The following KCNJ3 variants were observed in gnomAD, a reference collection of about 807,000 sequenced individuals.
KCNJ3 encodes the protein potassium inwardly rectifying channel subfamily J member 3, also known as G protein-activated inward rectifier potassium channel 1.
KCNJ3 carries 4 observed loss-of-function variants against 39.2 expected under a neutral mutation model. The ratio of observed to expected loss-of-function variants is 0.10; its 90% CI spans 0.05 to 0.23. The LOEUF is 0.23. Ranked by LOEUF, KCNJ3 falls within the 10% of genes least tolerant of loss-of-function variation. The probability of loss-of-function intolerance (pLI) is 1.00; values close to 1 mark genes in which losing one functional copy is unlikely to be tolerated. For synonymous variants in KCNJ3, 230 were observed against 237.4 expected (o/e 0.97, Z 0.29); for missense variants, 276 against 634.9 (o/e 0.43, Z 6.08).
At chr2:154,784,438 T>C (rs989098444) in intron 2 of KCNJ3, among the ~76,000 whole-genome samples, 1 of 152,184 alleles carries the variant, frequency 6.6e-6, no homozygotes, top group African/African-American at 2.4e-5. Flanking sequence ...AGTGCAGTGG[T>C]GCAACTCGGC....
rs1685072685 is a variant in KCNJ3 at position 154,709,827 on chromosome 2, A to G, written c.919+8A>G. On this transcript the variant is annotated splice_region_variant and intron_variant, in intron 2 of 2. Coordinates refer to ENST00000295101, the MANE Select transcript of KCNJ3 (RefSeq NM_002239.4). The stretch of plus-strand genomic sequence containing the variant: ...GCATTGTGGAAACAACTGGTGAGTA[A>G]AAACAGATATGCCATAAAGTTTCTT... 1.2e-6 allele frequency: 2 copies of G among 1,613,272 alleles called. No homozygotes were observed. The highest frequency in any genetic ancestry group is 2.7e-5 in the African/African-American group (2 of 74,878).
At chr2:154,706,031 A>G (rs909239454) in intron 1 of KCNJ3, among the ~76,000 whole-genome samples, 1 of 152,020 alleles carries the variant, frequency 6.6e-6, no homozygotes, top group African/African-American at 2.4e-5. Flanking sequence ...TTTTTACTTT[A>G]TTTGTTCCAC....
chr2:154,854,511 T>C (rs1302666061), intron 2 of KCNJ3, among the ~76,000 whole-genome samples: 1 of 152,198 alleles, frequency 6.6e-6, no homozygotes, highest in Non-Finnish European at 1.5e-5. Context: ...CCTTCAAACA[T>C]GAATAGTATC....
At chr2:154,814,141 G>T (rs891676667) in intron 2 of KCNJ3, among the ~76,000 whole-genome samples, 1 of 152,002 alleles carries the variant, frequency 6.6e-6, no homozygotes, top group East Asian at 1.9e-4. Flanking sequence ...ATTTTTAAAG[G>T]TTTAATTTTC....
Position 154,855,074 on chromosome 2 carries a change from A to G in KCNJ3, c.1267A>G (p.Thr423Ala). 1 of 1,614,104 alleles carries G rather than the reference A, an allele frequency of 6.2e-7. No homozygotes were observed. The highest frequency in any genetic ancestry group is 8.5e-7 in the Non-Finnish European group (1 of 1,179,966). ...PKKLLRMSSTTSEKAYSLGDL... is the reference protein window; with the variant it reads ...PKKLLRMSSTASEKAYSLGDL... ...AAAACTCTTGAGGATGAGTTCTACA[A>G]CTTCAGAAAAAGCCTACAGCTTGGG... is the stretch of plus-strand genomic sequence containing the variant. Residue 423 changes from threonine to alanine, a missense_variant, in exon 3 of 3, where the codon ACT (threonine) becomes GCT (alanine). Coordinates refer to ENST00000295101, the MANE Select transcript of KCNJ3 (RefSeq NM_002239.4).
intron 2 of KCNJ3, among the ~76,000 whole-genome samples, chr2:154,748,661 A>C (rs1227956077): frequency 6.6e-6 from 1 of 152,128 alleles, no homozygotes; most frequent in Admixed American, 6.6e-5. Flanking sequence ...GATTACTTAG[A>C]AACCTATGCT....
intron 2 of KCNJ3, among the ~76,000 whole-genome samples, chr2:154,820,245 C>T (rs1396930878): frequency 6.6e-6 from 1 of 152,132 alleles, no homozygotes; most frequent in Non-Finnish European, 1.5e-5. Flanking sequence ...TATCTCCCAA[C>T]GTTATCGAGT....
chr2:154,829,281 AG>A (rs1484588295), intron 2 of KCNJ3, among the ~76,000 whole-genome samples: 1 of 152,124 alleles, frequency 6.6e-6, no homozygotes, highest in Non-Finnish European at 1.5e-5. Flanking sequence ...CCCTCCTCCC[AG>A]CCGCTACCCT....
intron 2 of KCNJ3, among the ~76,000 whole-genome samples, chr2:154,849,788 C>A (rs996955360): frequency 6.6e-6 from 1 of 152,116 alleles, no homozygotes; most frequent in Non-Finnish European, 1.5e-5. Flanking sequence ...AAACCTTCCA[C>A]AGATCTGTTC....
chr2:154,853,629 T>G (rs918889657), intron 2 of KCNJ3, among the ~76,000 whole-genome samples: 1 of 152,128 alleles, frequency 6.6e-6, no homozygotes, highest in Non-Finnish European at 1.5e-5. Flanking sequence ...GAGAAATTGG[T>G]GAATTTTACT....
At position 154,706,546 on chromosome 2, in the gene KCNJ3, C is replaced by T. The variant is rs555762535; in HGVS notation, c.703-3057C>T. Among the ~76,000 whole-genome samples the T allele has an allele frequency of 1.7e-4, 26 of 152,172 alleles. 1 individual carries two copies. The highest frequency in any genetic ancestry group is 3.4e-3 in the Middle Eastern group (1 of 294). On this transcript the variant is annotated intron_variant, in intron 1 of 2. Coordinates refer to ENST00000295101, the MANE Select transcript of KCNJ3 (RefSeq NM_002239.4). ...ATAACTCATCTTTATTTTTCTTTCACTTTCATATACATGTATTTATCACAG... is the reference window on the plus strand; with the variant it reads ...ATAACTCATCTTTATTTTTCTTTCATTTTCATATACATGTATTTATCACAG...
intron 2 of KCNJ3, among the ~76,000 whole-genome samples, chr2:154,750,140 A>G (rs547829022): frequency 1.8e-4 from 27 of 152,046 alleles, no homozygotes; most frequent in Non-Finnish European, 2.9e-4. Flanking sequence ...CTCCTATTGA[A>G]CAATATTAAA....
Position 154,742,185 on chromosome 2 carries a change from AT to A in KCNJ3, c.919+32369del, listed in dbSNP as rs140422692. On this transcript the variant is annotated intron_variant, in intron 2 of 2. Coordinates refer to ENST00000295101, the MANE Select transcript of KCNJ3 (RefSeq NM_002239.4). ...TTTTACCTACCATAATGTCCTTAAG[AT>A]TTATTCATGTTGTAGCATGTGTCAG... 6.5e-3 allele frequency among the ~76,000 whole-genome samples: 986 copies of A among 151,832 alleles called. 12 individuals are homozygous for A. The highest frequency in any genetic ancestry group is 0.023 in the African/African-American group (943 of 41,494).
intron 2 of KCNJ3, among the ~76,000 whole-genome samples, chr2:154,762,262 C>A (rs1044490603): frequency 1.3e-5 from 2 of 152,136 alleles, no homozygotes; most frequent in African/African-American, 2.4e-5. Flanking sequence ...TTTTACAAGG[C>A]TCTGATGGGA....
chr2:154,787,445 C>T (rs762480980), intron 2 of KCNJ3, among the ~76,000 whole-genome samples: 5 of 152,150 alleles, frequency 3.3e-5, no homozygotes, highest in Non-Finnish European at 5.9e-5. Context: ...AGACCGAACC[C>T]TCTTTTTCCC....
chr2:154,826,337 T>C (rs1475519169), intron 2 of KCNJ3, among the ~76,000 whole-genome samples: 3 of 152,212 alleles, frequency 2.0e-5, no homozygotes, highest in Non-Finnish European at 4.4e-5. Flanking sequence ...CTTTTCATTC[T>C]GAAATGTTAA....
At chr2:154,718,839 G>A (rs764456816) in intron 2 of KCNJ3, among the ~76,000 whole-genome samples, 2 of 152,138 alleles carry the variant, frequency 1.3e-5, no homozygotes, top group Non-Finnish European at 2.9e-5. Flanking sequence ...CCATACTAAT[G>A]TGAAGTGGGT....
intron 2 of KCNJ3, among the ~76,000 whole-genome samples, chr2:154,715,876 C>T (rs978052062): frequency 1.3e-5 from 2 of 152,026 alleles, no homozygotes; most frequent in African/African-American, 2.4e-5. Flanking sequence ...GATCTTGAGA[C>T]ATTTACTTTT....
chr2:154,825,401 C>G (rs1687253305), intron 2 of KCNJ3, among the ~76,000 whole-genome samples: 5 of 152,002 alleles, frequency 3.3e-5, no homozygotes, highest in Admixed American at 3.3e-4. Context: ...TCTTCAGTGC[C>G]TAGTACAATA....
Sources: gnomAD v4.1 joint callset for allele counts (sites outside exome capture counted in the v4.1 genomes callset) on GRCh38, gnomAD v4.1.1 for gene constraint, MANE v1.5 for transcripts, NCBI Gene and HGNC (gene_info 2026-07-23, HGNC 2026-07-21) for gene names.